P2RX3: variants seen among roughly 807,000 people sequenced by gnomAD.
P2RX3 encodes P2X purinoceptor 3.
A neutral mutation model predicts 51.5 loss-of-function variants in P2RX3; 41 were observed. The ratio of observed to expected loss-of-function variants is 0.80; its 90% CI spans 0.62 to 1.03. P2RX3 has a LOEUF of 1.03. P2RX3 is among the 50% of genes least tolerant of loss of function. The pLI is 0.00. For missense variants in P2RX3, 459 were observed against 522.1 expected (o/e 0.88, Z 1.18); for synonymous variants, 185 against 191.6 (o/e 0.97, Z 0.29).
intron 1 of P2RX3, among the ~76,000 whole-genome samples, chr11:57,341,615 C>T (rs1590621133): frequency 6.6e-6 from 1 of 152,164 alleles, no homozygotes; most frequent in Non-Finnish European, 1.5e-5. Context: ...GAGAGCCCAT[C>T]CCCGTTCTGG....
At chr11:57,341,773 C>A (rs1158763617) in intron 1 of P2RX3, among the ~76,000 whole-genome samples, 1 of 152,134 alleles carries the variant, frequency 6.6e-6, no homozygotes, top group Non-Finnish European at 1.5e-5. Flanking sequence ...ACTTCCCAGG[C>A]CTTTGATGCC....
At chr11:57,369,324 G>A (rs770044887) in intron 10 of P2RX3, 37 bp from the exon 11 acceptor site, 1 of 1,595,772 alleles carries the variant, frequency 6.3e-7, no homozygotes, top group Non-Finnish European at 8.6e-7. Context: ...CCAACCCAGG[G>A]CACCCCTCGG....
At chr11:57,355,239 G>A (rs1195863620) in intron 8 of P2RX3, among the ~76,000 whole-genome samples, 1 of 152,060 alleles carries the variant, frequency 6.6e-6, no homozygotes, top group African/African-American at 2.4e-5. Flanking sequence ...TTATGCCCCC[G>A]ATGAAAATGG....
intron 8 of P2RX3, 36 bp from the exon 9 acceptor site, chr11:57,367,973 C>T (rs767009570): frequency 2.0e-6 from 3 of 1,535,086 alleles, no homozygotes; most frequent in Non-Finnish European, 2.7e-6. Context: ...GAGACAGGAT[C>T]CCACAGAGGG....
rs1856884519 is a variant in P2RX3, at chr11:57,371,422, G to A, written c.*1425G>A. 6.6e-6 allele frequency among the ~76,000 whole-genome samples: 1 copy of A among 152,276 alleles called. No homozygotes were observed. The highest frequency in any genetic ancestry group is 2.1e-4 in the South Asian group (1 of 4,836). ...GATAAATCTGCATCTGGCAGTCAGAGTGGGCATGATCATGAGGTCTTAGCT... is the reference window on the plus strand; with the variant it reads ...GATAAATCTGCATCTGGCAGTCAGAATGGGCATGATCATGAGGTCTTAGCT... On this transcript the variant is annotated 3_prime_UTR_variant, in exon 12 of 12. Transcript: ENST00000263314.
intron 4 of P2RX3, among the ~76,000 whole-genome samples, chr11:57,347,744 A>T (rs1476603161): frequency 1.3e-5 from 2 of 151,990 alleles, no homozygotes; most frequent in East Asian, 3.9e-4. Flanking sequence ...AAGACTGTTG[A>T]GCCTGGGGGA....
At chr11:57,363,466 T>A (rs574544126) in intron 8 of P2RX3, among the ~76,000 whole-genome samples, 2 of 152,202 alleles carry the variant, frequency 1.3e-5, no homozygotes, top group East Asian at 3.9e-4. Flanking sequence ...TGACTCAGTC[T>A]CTCTAGAGCC....
chr11:57,349,882 C>G lies in P2RX3; in HGVS notation c.689C>G (p.Ala230Gly). 1 of 1,614,220 alleles carries G rather than the reference C, an allele frequency of 6.2e-7. No homozygotes were observed. The highest frequency in any genetic ancestry group is 2.2e-5 in the East Asian group (1 of 44,884). The change falls in exon 7 of 12, where the codon GCC becomes GGC. Residue 230 changes from alanine to glycine, a missense_variant. Transcript: ENST00000263314. ...GTCAAGTTTGCGGGGCAGGATTTTG[C>G]CAAACTGGCGCGCACGGTGAGGACC... The part of the protein sequence containing the change: ...DVVKFAGQDF[A>G]KLARTGGVLG...
In P2RX3 at chr11:57,338,469, C is replaced by A; in HGVS notation, c.-82C>A. 3.3e-6 allele frequency: 3 copies of A among 906,434 alleles called. No individual in the cohort carries two copies. In the South Asian group the frequency reaches 5.4e-5, roughly 16 times the overall value. 56.1% of individuals were successfully genotyped at this position (906,434 alleles called of 1,614,324 possible). A position where few individuals can be genotyped will look rare whatever the true frequency, so the allele number is the denominator to read the frequency against. ...AGCTGCCCCCTCCAGGTCGTGATCT[C>A]GTCTCCCTGTCCTGTAGGACCTCCC... On this transcript the variant is annotated 5_prime_UTR_variant, in exon 1 of 12. Coordinates refer to ENST00000263314, the MANE Select transcript of P2RX3 (RefSeq NM_002559.5).
At position 57,363,692 on chromosome 11, in the gene P2RX3, T is replaced by A. The variant is rs77886667; in HGVS notation, c.843-4317T>A. Among the ~76,000 whole-genome samples the A allele has an allele frequency of 1.0e-2, 1,523 of 152,316 alleles. 26 individuals are homozygous for A. Among genetic ancestry groups the A allele is most frequent in the African/African-American group, 0.035 (1,456 of 41,562 alleles). ...GCAAAGAGAGGAGATAACCAGACCCTGGTGACCAATGAGCTGTCTCTGTCA... is the reference window on the plus strand; with the variant it reads ...GCAAAGAGAGGAGATAACCAGACCCAGGTGACCAATGAGCTGTCTCTGTCA... On this transcript the variant is annotated intron_variant, in intron 8 of 11. Coordinates refer to ENST00000263314, the MANE Select transcript of P2RX3 (RefSeq NM_002559.5).
intron 4 of P2RX3, 114 bp from the exon 5 acceptor site, chr11:57,348,056 T>C: frequency 1.1e-6 from 1 of 946,312 alleles, no homozygotes; most frequent in South Asian, 1.7e-5. Flanking sequence ...TTTCCCTGCC[T>C]GCTCTTTTCC....
At chr11:57,358,071 T>A (rs1856658017) in intron 8 of P2RX3, among the ~76,000 whole-genome samples, 1 of 152,188 alleles carries the variant, frequency 6.6e-6, no homozygotes, top group Admixed American at 6.5e-5. Flanking sequence ...TCTAAACAGA[T>A]GTCTGAGAGC....
intron 9 of P2RX3, 81 bp downstream of exon 9, chr11:57,368,183 G>C: frequency 2.1e-6 from 3 of 1,450,130 alleles, no homozygotes; most frequent in Non-Finnish European, 2.9e-6. Context: ...AGCTCCTCTG[G>C]GGGGCAGGGG....
chr11:57,346,628 A>G lies in P2RX3; in HGVS notation c.204A>G (p.Gly68=), dbSNP rs1163300099. 1.9e-6 allele frequency: 3 copies of G among 1,613,676 alleles called. No individual in the cohort carries two copies. The highest frequency in any genetic ancestry group is 2.7e-5 in the African/African-American group (2 of 74,806). ...TGGTAACCAAGGTGAAGGGCTCCGGACTCTACGCCAACAGAGTCATGGATG... is the reference window on the plus strand; with the variant it reads ...TGGTAACCAAGGTGAAGGGCTCCGGGCTCTACGCCAACAGAGTCATGGATG... ...SSVVTKVKGS[G]LYANRVMDVS... The change falls in exon 2 of 12, where the codon GGA becomes GGG. Residue 68 remains glycine (G), a synonymous_variant. Coordinates refer to ENST00000263314, the MANE Select transcript of P2RX3 (RefSeq NM_002559.5).
chr11:57,346,746 C>T (rs1236868613), intron 2 of P2RX3, 67 bp downstream of exon 2: 12 of 1,578,356 alleles, frequency 7.6e-6, no homozygotes, highest in Admixed American at 1.8e-5. Flanking sequence ...AGGGAGAAAG[C>T]GAGCAAAGAG....
chr11:57,354,574 A>G (rs1856598266), intron 8 of P2RX3, among the ~76,000 whole-genome samples: 1 of 152,140 alleles, frequency 6.6e-6, no homozygotes, highest in Non-Finnish European at 1.5e-5. Flanking sequence ...TAGACCCTCA[A>G]TTCACAGGAG....
intron 9 of P2RX3, 55 bp downstream of exon 9, chr11:57,368,157 T>C: frequency 1.3e-6 from 2 of 1,559,662 alleles, no homozygotes; most frequent in Non-Finnish European, 1.8e-6. Flanking sequence ...CCAGACCACC[T>C]CTCGGGTTCT....
At chr11:57,351,340 G>A (rs1048036938) in intron 8 of P2RX3, among the ~76,000 whole-genome samples, 2 of 152,156 alleles carry the variant, frequency 1.3e-5, no homozygotes, top group African/African-American at 2.4e-5. Flanking sequence ...TTACAAGATG[G>A]CAACTTTGCA....
intron 8 of P2RX3, among the ~76,000 whole-genome samples, chr11:57,358,459 T>C (rs1054701429): frequency 2.6e-5 from 4 of 152,070 alleles, no homozygotes; most frequent in African/African-American, 9.7e-5. Flanking sequence ...ACAAAAGAAA[T>C]ATATATATGT....
Sources: allele counts gnomAD v4.1 joint callset (sites outside exome capture counted in the v4.1 genomes callset), GRCh38; gene constraint gnomAD v4.1.1; transcripts MANE v1.5; gene names NCBI Gene and HGNC (gene_info 2026-07-23, HGNC 2026-07-21).